The following CACNA1G variants were observed in gnomAD, a reference collection of about 807,000 sequenced individuals.
CACNA1G encodes voltage-dependent T-type calcium channel subunit alpha-1G.
Under a neutral mutation model 219.4 loss-of-function variants are expected in CACNA1G, and 67 were observed. The ratio of observed to expected loss-of-function variants is 0.31; its 90% CI spans 0.25 to 0.37. The LOEUF (loss-of-function observed/expected upper bound fraction) is 0.37. Ranked by LOEUF, CACNA1G falls within the 10% of genes least tolerant of loss-of-function variation. CACNA1G has a pLI of 1.00. For synonymous variants in CACNA1G, 1,296 were observed against 1,345.3 expected (o/e 0.96, Z 0.80); for missense variants, 2,380 against 3,231.4 (o/e 0.74, Z 6.39).
intron 1 of CACNA1G, among the ~76,000 whole-genome samples, chr17:50,565,026 C>G (rs1309917705): frequency 6.6e-6 from 1 of 151,798 alleles, no homozygotes; most frequent in Non-Finnish European, 1.5e-5. Context: ...CCACACAGCC[C>G]CCCCCACCCT....
In CACNA1G at chr17:50,601,148, C is replaced by T. The variant is rs376210592; in HGVS notation, c.3889C>T (p.Arg1297Cys). Residue 1297 changes from arginine to cysteine, a missense_variant, in exon 19 of 38, where the codon CGC (arginine) becomes TGC (cysteine). Arg to Cys is a radical substitution (Grantham distance 180). Coordinates refer to ENST00000359106, the MANE Select transcript of CACNA1G (RefSeq NM_018896.5). ...FLNCITIAME[R>C]PKIDPHSAER... is the part of the protein sequence containing the mutation. ...TAACTGCATCACCATCGCCATGGAG[C>T]GCCCCAAAATTGACCCCCACAGCGC... is the stretch of plus-strand genomic sequence containing the variant. The T allele has an allele frequency of 5.0e-6, 8 of 1,613,866 alleles. No individual in the cohort carries two copies. The highest frequency in any genetic ancestry group is 1.6e-4 in the Middle Eastern group (1 of 6,062).
intron 9 of CACNA1G, among the ~76,000 whole-genome samples, chr17:50,582,852 G>T (rs961305896): frequency 6.6e-6 from 1 of 152,082 alleles, no homozygotes; most frequent in Non-Finnish European, 1.5e-5. Flanking sequence ...AGATGGCCTT[G>T]CAGGCTGAGA....
chr17:50,574,252 A>G (rs944150467), intron 7 of CACNA1G, among the ~76,000 whole-genome samples: 1 of 152,236 alleles, frequency 6.6e-6, no homozygotes, highest in East Asian at 1.9e-4. Flanking sequence ...CAAGAGGCCA[A>G]CGACAGAGCC....
At position 50,599,421 on chromosome 17, in the gene CACNA1G, C is replaced by A; in HGVS notation, c.3259-7C>A. The A allele has an allele frequency of 6.5e-7, 1 of 1,534,580 alleles. No homozygotes were observed. The highest frequency in any genetic ancestry group is 8.8e-7 in the Non-Finnish European group (1 of 1,140,082). ...CCTGAGACCACTCCTCCCCTGCTCACCCACAGCCCAGCGCCCGCAGCTCTC... is the reference window on the plus strand; with the variant it reads ...CCTGAGACCACTCCTCCCCTGCTCAACCACAGCCCAGCGCCCGCAGCTCTC... On this transcript the variant is annotated splice_polypyrimidine_tract_variant and splice_region_variant and intron_variant, in intron 16 of 37. Coordinates refer to ENST00000359106, the MANE Select transcript of CACNA1G (RefSeq NM_018896.5).
chr17:50,596,599 T>G lies in CACNA1G; in HGVS notation c.3017T>G (p.Phe1006Cys). Reference sequence around the variant, plus strand: ...AAGTCCGAATCAGAGCCCGATTTCTTCTCACCCAGCCTGGATGGTGATGGG... The same window carrying G: ...AAGTCCGAATCAGAGCCCGATTTCTGCTCACCCAGCCTGGATGGTGATGGG... ...ANKSESEPDF[F>C]SPSLDGDGDR... The change falls in exon 15 of 38, where the codon TTC (phenylalanine) becomes TGC (cysteine). Residue 1006 changes from phenylalanine to cysteine, a missense_variant. Around this residue, in one of 17 missense-constraint regions of CACNA1G, gnomAD observed 418 missense variants for 434.3 expected, o/e 0.96. Transcript: ENST00000359106. The surrounding 1 kb of genome is among the most constrained non-coding windows in gnomAD (Gnocchi z 4.8). The G allele has an allele frequency of 6.2e-7, 1 of 1,613,916 alleles. No homozygotes were observed. Among genetic ancestry groups the G allele is most frequent in the Non-Finnish European group, 8.5e-7 (1 of 1,179,840 alleles).
chr17:50,610,714 T>C (rs2146061092), intron 26 of CACNA1G, among the ~76,000 whole-genome samples: 1 of 152,214 alleles, frequency 6.6e-6, no homozygotes, highest in Admixed American at 6.5e-5. Context: ...AGGCCCCCAG[T>C]TATCATCTCC....
chr17:50,608,085 C>A, intron 25 of CACNA1G, 66 bp downstream of exon 25: 3 of 1,457,390 alleles, frequency 2.1e-6, no homozygotes, highest in South Asian at 1.3e-5. Flanking sequence ...TTGACCTTGG[C>A]CTTGCGACTG....
At chr17:50,565,120 C>T (rs377523492) in intron 1 of CACNA1G, among the ~76,000 whole-genome samples, 34 of 133,178 alleles carry the variant, frequency 2.6e-4, no homozygotes, top group East Asian at 2.0e-4. Flanking sequence ...CGCAGACATG[C>T]GCACGCGCGC....
In CACNA1G at chr17:50,607,822, GC is replaced by G; in HGVS notation, c.4513-3del. 6.2e-7 allele frequency: 1 copy of G among 1,612,740 alleles called. No individual in the cohort carries two copies. The highest frequency in any genetic ancestry group is 1.3e-5 in the African/African-American group (1 of 74,994). On this transcript the variant is annotated splice_region_variant and splice_polypyrimidine_tract_variant and intron_variant, in intron 24 of 37. Transcript: ENST00000359106. ...CCTCCGCCTGTCCTTCCTGCTCCCC[GC>G]CAGCCCATCATGAACCACAACCCCT...
At chr17:50,605,257 G>T (rs2047709628) in intron 22 of CACNA1G, among the ~76,000 whole-genome samples, 1 of 152,218 alleles carries the variant, frequency 6.6e-6, no homozygotes, top group Admixed American at 6.5e-5. Flanking sequence ...AGTGGTCATA[G>T]CCTGGTTTAT....
Position 50,609,884 on chromosome 17 carries a change from C to G in CACNA1G, c.4708C>G (p.Leu1570Val). Residue 1570 changes from leucine (L) to valine (V), a missense_variant and splice_region_variant, in exon 26 of 38, where the codon CTA becomes GTA. Transcript: ENST00000359106. ...LRRLEKKRRNLMLDDVIASGS... is the reference protein window; with the variant it reads ...LRRLEKKRRNVMLDDVIASGS... Reference sequence around the variant, plus strand: ...AATGTCGTGTTTCGTTCTTTTAGATCTAATGCTGGACGATGTAATTGCTTC... The same window carrying G: ...AATGTCGTGTTTCGTTCTTTTAGATGTAATGCTGGACGATGTAATTGCTTC... 6.2e-7 allele frequency: 1 copy of G among 1,611,470 alleles called. No homozygotes were observed.
At chr17:50,572,988 C>A in intron 6 of CACNA1G, 33 bp from the exon 7 acceptor site, 1 of 1,562,700 alleles carries the variant, frequency 6.4e-7, no homozygotes. Flanking sequence ...ATTTGGTGGG[C>A]CCATAGTCAG....
chr17:50,582,207 A>G (rs2042102517), intron 9 of CACNA1G, among the ~76,000 whole-genome samples: 1 of 152,238 alleles, frequency 6.6e-6, no homozygotes, highest in African/African-American at 2.4e-5. Context: ...AGACCAGAGA[A>G]GGAATTCAGG....
At chr17:50,610,404 C>T (rs1018783827) in intron 26 of CACNA1G, among the ~76,000 whole-genome samples, 2 of 152,194 alleles carry the variant, frequency 1.3e-5, no homozygotes, top group South Asian at 2.1e-4. Context: ...CAAGTGATCA[C>T]GGTGGCTGCG....
intron 36 of CACNA1G, 135 bp downstream of exon 36, chr17:50,624,210 G>C: frequency 7.8e-7 from 1 of 1,284,978 alleles, no homozygotes; most frequent in Non-Finnish European, 1.1e-6. Flanking sequence ...CCTCCAGCCT[G>C]GGGGAATGGC....
chr17:50,586,886 G>A (rs1308740604), intron 9 of CACNA1G, among the ~76,000 whole-genome samples: 9 of 152,214 alleles, frequency 5.9e-5, no homozygotes, highest in Admixed American at 5.9e-4. Context: ...CCGGAGGGGA[G>A]GGGAGTGGAG....
chr17:50,619,532 G>C, intron 33 of CACNA1G, 151 bp from the exon 34 acceptor site: 1 of 367,884 alleles, frequency 2.7e-6, no homozygotes, highest in Non-Finnish European at 5.0e-6. Context: ...GTGTGTTTTT[G>C]TGTGTGTGCA....
At chr17:50,569,106 A>G (rs1051684530) in intron 2 of CACNA1G, 59 bp from the exon 3 acceptor site, 1 of 1,589,868 alleles carries the variant, frequency 6.3e-7, no homozygotes, top group African/African-American at 1.3e-5. Flanking sequence ...CTAGGGTGGG[A>G]CTAGAGGGTA....
intron 16 of CACNA1G, among the ~76,000 whole-genome samples, chr17:50,598,269 T>C (rs2045961135): frequency 6.6e-6 from 1 of 152,262 alleles, no homozygotes; most frequent in South Asian, 2.1e-4. Flanking sequence ...CCTCAAGTGA[T>C]CCACCTGCCT....
Sources: gnomAD v4.1 joint callset for allele counts (sites outside exome capture counted in the v4.1 genomes callset) on GRCh38, gnomAD v4.1.1 for gene constraint, gnomAD v4.1.1 regional missense constraint, Gnocchi (gnomAD v3.1) non-coding constraint, MANE v1.5 for transcripts, NCBI Gene and HGNC (gene_info 2026-07-23, HGNC 2026-07-21) for gene names.